Variants in ZNF385D observed in about 807,000 individuals in gnomAD.
ZNF385D encodes the protein zinc finger protein 385D, also known as zinc finger protein 659.
Under a neutral mutation model 35.8 loss-of-function variants are expected in ZNF385D, and 15 were observed. The observed-to-expected ratio is 0.42, with a 90% CI of 0.28 to 0.64. ZNF385D has a LOEUF of 0.64. ZNF385D is among the 30% of genes least tolerant of loss of function. The pLI, the probability that ZNF385D is intolerant of heterozygous loss-of-function variation, is 0.23. For missense variants in ZNF385D, 474 were observed against 494.6 expected, an observed-to-expected ratio of 0.96 and a Z score of 0.39; for synonymous variants, 212 against 186.8, an observed-to-expected ratio of 1.13 and a Z score of -1.10.
chr3:21,854,456 C>T (rs986506250), intron 3 of ZNF385D, among the ~76,000 whole-genome samples: 3 of 151,904 alleles, frequency 2.0e-5, no homozygotes, highest in Non-Finnish European at 2.9e-5. Flanking sequence ...TTCATGGGCA[C>T]GCAACCTTGG....
intron 2 of ZNF385D, among the ~76,000 whole-genome samples, chr3:22,211,648 G>A (rs1328536150): frequency 6.6e-6 from 1 of 151,958 alleles, no homozygotes; most frequent in Non-Finnish European, 1.5e-5. Context: ...CTGCCTTGGG[G>A]CAGAAAGAAA....
At chr3:22,108,850 T>C (rs1176128196) in intron 3 of ZNF385D, among the ~76,000 whole-genome samples, 2 of 152,064 alleles carry the variant, frequency 1.3e-5, no homozygotes, top group African/African-American at 2.4e-5. Context: ...CTGTCTCTAC[T>C]AAAAATACAA....
intron 1 of ZNF385D, among the ~76,000 whole-genome samples, chr3:21,722,178 A>G (rs2068571142): frequency 6.6e-6 from 1 of 152,012 alleles, no homozygotes; most frequent in South Asian, 2.1e-4. Flanking sequence ...GGGGACAAGT[A>G]AAGTAAGTCA....
At chr3:21,931,291 G>A (rs1045513358) in intron 3 of ZNF385D, among the ~76,000 whole-genome samples, 6 of 152,126 alleles carry the variant, frequency 3.9e-5, no homozygotes, top group Non-Finnish European at 4.4e-5. Flanking sequence ...AGGAAAGACA[G>A]TAACAAGTAT....
intron 3 of ZNF385D, chr3:21,942,480 C>T (rs184830952): frequency 5.9e-5 from 9 of 152,238 alleles, no homozygotes; most frequent in Admixed American, 3.3e-4. Context: ...CGCGTGGCCA[C>T]GAGGACACAA....
chr3:21,617,207 T>A (rs2064873427), intron 2 of ZNF385D, among the ~76,000 whole-genome samples: 1 of 152,188 alleles, frequency 6.6e-6, no homozygotes, highest in Non-Finnish European at 1.5e-5. Flanking sequence ...TTACACTTAA[T>A]AAAATTGATG....
chr3:22,040,324 A>G (rs897282329), intron 3 of ZNF385D, among the ~76,000 whole-genome samples: 4 of 152,164 alleles, frequency 2.6e-5, no homozygotes, highest in African/African-American at 9.7e-5. Flanking sequence ...AATTCTTACT[A>G]CACTTTAAGG....
chr3:21,802,526 T>C (rs1468284054), intron 3 of ZNF385D, among the ~76,000 whole-genome samples: 1 of 151,518 alleles, frequency 6.6e-6, no homozygotes, highest in Non-Finnish European at 1.5e-5. Flanking sequence ...AAAAGAAATT[T>C]CATTTTCAGA....
In ZNF385D at chr3:21,801,911, T is replaced by C. The variant is rs771366696; in HGVS notation, c.326-136883A>G. ...GAAATTACTGAAGCTTTCTGGCCCATTGATTGTTTTTTCCCGTTTCTAATG... is the reference window on the plus strand; with the variant it reads ...GAAATTACTGAAGCTTTCTGGCCCACTGATTGTTTTTTCCCGTTTCTAATG... On this transcript the variant is annotated intron_variant, in intron 3 of 5. Coordinates refer to the ZNF385D transcript ENST00000494108. 3.3e-5 allele frequency among the ~76,000 whole-genome samples: 5 copies of C among 152,190 alleles called. No individual in the cohort carries two copies. In the East Asian group the frequency reaches 9.6e-4, roughly 29 times the overall value.
At chr3:21,599,839 C>CCAT (rs1188939500) in intron 2 of ZNF385D, among the ~76,000 whole-genome samples, 4 of 152,186 alleles carry the variant, frequency 2.6e-5, no homozygotes, top group Non-Finnish European at 4.4e-5. Context: ...CAGAGCAAGT[C>CCAT]CATCATCTTG....
Position 22,109,399 on chromosome 3 carries a change from C to T in ZNF385D, c.325+59418G>A, listed in dbSNP as rs947616173. 3.9e-5 allele frequency among the ~76,000 whole-genome samples: 6 copies of T among 152,254 alleles called. No individual in the cohort carries two copies. The South Asian group carries it at 1.0e-3, about 26-fold the overall frequency. ...GTCCCTAATGTATCACAGCTTATAG[C>T]TACCACTACAGAAGCATGTATACAG... is the stretch of plus-strand genomic sequence containing the variant. On this transcript the variant is annotated intron_variant, in intron 3 of 5. Transcript: ENST00000494108.
chr3:21,702,704 T>A (rs2125387159), intron 1 of ZNF385D, among the ~76,000 whole-genome samples: 1 of 152,360 alleles, frequency 6.6e-6, no homozygotes, highest in African/African-American at 2.4e-5. Context: ...AATGCTTCGC[T>A]GCTTAGAAAT....
chr3:21,975,754 T>TGC (rs1703575174), intron 3 of ZNF385D, among the ~76,000 whole-genome samples: 1 of 115,480 alleles, frequency 8.7e-6, no homozygotes, highest in African/African-American at 4.4e-5. Flanking sequence ...TATATATATA[T>TGC]ACACACACTA....
At chr3:22,234,816 T>A (rs1463374478) in intron 2 of ZNF385D, among the ~76,000 whole-genome samples, 2 of 152,092 alleles carry the variant, frequency 1.3e-5, no homozygotes, top group African/African-American at 4.8e-5. Flanking sequence ...AATGGGCCTG[T>A]ACATTGTGAA....
At chr3:21,825,873 G>A (rs957813864) in intron 3 of ZNF385D, among the ~76,000 whole-genome samples, 5 of 152,204 alleles carry the variant, frequency 3.3e-5, no homozygotes, top group Non-Finnish European at 7.3e-5. Flanking sequence ...AAAGCCAAAG[G>A]TTACGGCCTG....
intron 3 of ZNF385D, among the ~76,000 whole-genome samples, chr3:21,872,814 A>G (rs1697762866): frequency 1.3e-5 from 2 of 152,100 alleles, no homozygotes; most frequent in South Asian, 4.1e-4. Context: ...CACTCCCTCT[A>G]AAGATGTAAT....
intron 4 of ZNF385D, among the ~76,000 whole-genome samples, chr3:21,440,432 G>T (rs1046235199): frequency 6.6e-6 from 1 of 152,010 alleles, no homozygotes; most frequent in Admixed American, 6.6e-5. Flanking sequence ...AACTAGCAAG[G>T]CTATCAAAAC....
chr3:22,019,021 TAG>T (rs1221640904), intron 3 of ZNF385D, among the ~76,000 whole-genome samples: 3 of 144,110 alleles, frequency 2.1e-5, no homozygotes, highest in South Asian at 4.4e-4. Context: ...GTTTCATGGA[TAG>T]AGTTATTTAC....
chr3:22,164,832 G>A (rs1706208060), intron 3 of ZNF385D, among the ~76,000 whole-genome samples: 1 of 152,004 alleles, frequency 6.6e-6, no homozygotes, highest in African/African-American at 2.4e-5. Context: ...ATAGTTCGAT[G>A]CTAAAAAAGG....
Sources: allele counts gnomAD v4.1 joint callset (sites outside exome capture counted in the v4.1 genomes callset), GRCh38; gene constraint gnomAD v4.1.1; transcripts MANE v1.5; gene names NCBI Gene and HGNC (gene_info 2026-07-23, HGNC 2026-07-21).